Variants in MAGI3 observed in about 807,000 individuals in gnomAD.
MAGI3 encodes membrane-associated guanylate kinase, WW and PDZ domain-containing protein 3.
In MAGI3, 43 loss-of-function variants were observed where a neutral mutation model predicts 121.8. The observed-to-expected ratio is 0.35, with a 90% CI of 0.28 to 0.46. The LOEUF (loss-of-function observed/expected upper bound fraction) is 0.46. Ranked by LOEUF, MAGI3 falls within the 20% of genes least tolerant of loss-of-function variation. The probability of loss-of-function intolerance (pLI) is 1.00; values close to 1 mark genes in which losing one functional copy is unlikely to be tolerated. For missense variants in MAGI3, 1,547 were observed against 1,797.3 expected (o/e 0.86, Z 2.52); for synonymous variants, 553 against 639.3 (o/e 0.86, Z 2.04).
chr1:113,410,912 G>A (rs1651942147), intron 1 of MAGI3, among the ~76,000 whole-genome samples: 1 of 152,068 alleles, frequency 6.6e-6, no homozygotes, highest in South Asian at 2.1e-4. Flanking sequence ...ACATAGGATA[G>A]CGTCCTTTTA....
chr1:113,420,228 C>G (rs1652668939), intron 1 of MAGI3, among the ~76,000 whole-genome samples: 1 of 152,156 alleles, frequency 6.6e-6, no homozygotes, highest in African/African-American at 2.4e-5. Context: ...ATTGGTGGGT[C>G]TACACGAGCC....
At chr1:113,641,033 T>TATATTATATATGATATATAATATATATG in intron 9 of MAGI3, among the ~76,000 whole-genome samples, 229 of 12,366 alleles carry the variant, frequency 0.019, 5 homozygotes, top group Non-Finnish European at 0.041. Flanking sequence ...ATATATATGA[T>TATATTATATATGATATATAATATATATG]ATATATAATA....
chr1:113,536,706 G>A (rs1659023272), intron 1 of MAGI3, among the ~76,000 whole-genome samples: 1 of 151,922 alleles, frequency 6.6e-6, no homozygotes, highest in Non-Finnish European at 1.5e-5. Context: ...CTGTTCCAGA[G>A]AGTACTTTGT....
intron 1 of MAGI3, among the ~76,000 whole-genome samples, chr1:113,485,122 A>G (rs1275018437): frequency 6.6e-6 from 1 of 152,150 alleles, no homozygotes; most frequent in Non-Finnish European, 1.5e-5. Flanking sequence ...CGCTATAAAC[A>G]TGCATGTGCA....
chr1:113,424,871 C>A (rs1012332021), intron 1 of MAGI3, among the ~76,000 whole-genome samples: 1 of 152,172 alleles, frequency 6.6e-6, no homozygotes, highest in African/African-American at 2.4e-5. Context: ...TGGTGGCTCA[C>A]GCCTGTAATC....
At chr1:113,589,673 A>C (rs1432755012) in intron 4 of MAGI3, among the ~76,000 whole-genome samples, 5 of 152,006 alleles carry the variant, frequency 3.3e-5, no homozygotes, top group Non-Finnish European at 7.4e-5. Context: ...GATATATAAG[A>C]TCTCTGTCAG....
At chr1:113,603,666 A>G (rs1649551519) in intron 6 of MAGI3, among the ~76,000 whole-genome samples, 1 of 152,194 alleles carries the variant, frequency 6.6e-6, no homozygotes, top group African/African-American at 2.4e-5. Flanking sequence ...TACACAGCAA[A>G]AGAAATAATC....
At chr1:113,477,569 G>T (rs181258629) in intron 1 of MAGI3, among the ~76,000 whole-genome samples, 1 of 152,240 alleles carries the variant, frequency 6.6e-6, no homozygotes, top group African/African-American at 2.4e-5. Context: ...CTGTCTTTTG[G>T]CTTGTAGGGT....
At chr1:113,618,416 TATTC>T in intron 7 of MAGI3, 1 of 373,096 alleles carries the variant, frequency 2.7e-6, no homozygotes, top group Admixed American at 3.4e-5. Flanking sequence ...CATTTTGTAA[TATTC>T]AGTCTACCTA....
chr1:113,642,822 A>T (rs1652624555), intron 10 of MAGI3, among the ~76,000 whole-genome samples: 1 of 152,256 alleles, frequency 6.6e-6, no homozygotes, highest in Non-Finnish European at 1.5e-5. Flanking sequence ...AATGAAATAC[A>T]TCCTCTTAAT....
intron 9 of MAGI3, among the ~76,000 whole-genome samples, chr1:113,629,170 A>G (rs1316108910): frequency 1.3e-5 from 2 of 151,680 alleles, no homozygotes; most frequent in Admixed American, 6.6e-5. Flanking sequence ...CAAGCTCACT[A>G]ATTATTTCTT....
At chr1:113,645,646 T>C (rs555282926) in intron 11 of MAGI3, among the ~76,000 whole-genome samples, 2 of 152,302 alleles carry the variant, frequency 1.3e-5, no homozygotes, top group East Asian at 3.9e-4. Flanking sequence ...GGGTCCCCTC[T>C]AGCACGACAC....
chr1:113,518,384 T>C (rs574529577), intron 1 of MAGI3, among the ~76,000 whole-genome samples: 1 of 152,250 alleles, frequency 6.6e-6, no homozygotes, highest in East Asian at 1.9e-4. Context: ...ATATTATGAT[T>C]TACCTCATAC....
intron 1 of MAGI3, among the ~76,000 whole-genome samples, chr1:113,399,887 G>T (rs1209991122): frequency 1.3e-5 from 2 of 152,038 alleles, no homozygotes; most frequent in Non-Finnish European, 2.9e-5. Flanking sequence ...TTTCCAAGGT[G>T]TTTTGCTTTT....
chr1:113,484,243 A>G (rs1656243826), intron 1 of MAGI3, among the ~76,000 whole-genome samples: 2 of 152,016 alleles, frequency 1.3e-5, no homozygotes, highest in Non-Finnish European at 2.9e-5. Context: ...TTTTTGTTTT[A>G]TTTTCTAAAT....
intron 9 of MAGI3, among the ~76,000 whole-genome samples, chr1:113,641,089 TATTA>T (rs879268055): frequency 0.39 from 20,646 of 52,522 alleles, 5,638 homozygotes; most frequent in African/African-American, 0.59. Context: ...ATGAGATATA[TATTA>T]TATATATGAT....
intron 1 of MAGI3, among the ~76,000 whole-genome samples, chr1:113,542,986 A>G (rs1174814201): frequency 6.6e-6 from 1 of 152,124 alleles, no homozygotes; most frequent in Non-Finnish European, 1.5e-5. Flanking sequence ...AATAACACCT[A>G]CTTCAAAGGT....
intron 1 of MAGI3, among the ~76,000 whole-genome samples, chr1:113,456,117 A>ATTTTTT (rs35038942): frequency 1.5e-4 from 17 of 113,246 alleles, no homozygotes; most frequent in East Asian, 5.4e-4. Context: ...CGCCCGGCTA[A>ATTTTTT]TTTTTTTTTT....
In MAGI3 at chr1:113,683,409, A is replaced by G; in HGVS notation, c.3841A>G (p.Lys1281Glu). Reference sequence around the variant, plus strand: ...AGGCTCTGGACAAGATCAGTGCAGAAAAAGCAGAGGTCGGTCGGCCAGCCC... The same window carrying G: ...AGGCTCTGGACAAGATCAGTGCAGAGAAAGCAGAGGTCGGTCGGCCAGCCC... ...RAGSGQDQCR[K>E]SRGRSASPKK... Residue 1281 changes from lysine to glutamate, a missense_variant, in exon 21 of 21, where the codon AAA becomes GAA. Lys to Glu is a moderately conservative substitution (Grantham distance 56). Transcript: ENST00000307546. 1 of 1,614,032 alleles carries G rather than the reference A, an allele frequency of 6.2e-7. No homozygotes were observed. Among genetic ancestry groups the G allele is most frequent in the South Asian group, 1.1e-5 (1 of 91,080 alleles).
Sources: gnomAD v4.1 joint callset for allele counts (sites outside exome capture counted in the v4.1 genomes callset) on GRCh38, gnomAD v4.1.1 for gene constraint, MANE v1.5 for transcripts, NCBI Gene and HGNC (gene_info 2026-07-23, HGNC 2026-07-21) for gene names.